COX14: variants seen among roughly 807,000 people sequenced by gnomAD.
COX14 encodes cytochrome c oxidase assembly factor COX14, also known as cytochrome c oxidase assembly protein COX14.
In COX14, 3 loss-of-function variants were observed where a neutral mutation model predicts 5.8. The observed-to-expected ratio is 0.51, with a 90% CI of 0.23 to 1.33. The LOEUF (loss-of-function observed/expected upper bound fraction) is 1.33, where lower values mean the gene tolerates loss of function less well. COX14 is among the 40% of genes most tolerant of loss of function. The pLI is 0.18. For synonymous variants in COX14, 25 were observed against 26.1 expected (o/e 0.96, Z 0.13); for missense variants, 72 against 72.1 (o/e 1.00, Z 0.01).
intron 1 of COX14, among the ~76,000 whole-genome samples, chr12:50,119,818 A>G (rs1951114055): frequency 6.6e-6 from 1 of 152,150 alleles, no homozygotes; most frequent in Admixed American, 6.5e-5. Context: ...TTGTTTCTGT[A>G]TCTTGTAGGC....
intron 1 of COX14, among the ~76,000 whole-genome samples, chr12:50,119,190 A>G (rs1169976845): frequency 6.6e-6 from 1 of 152,240 alleles, no homozygotes; most frequent in Non-Finnish European, 1.5e-5. Flanking sequence ...CAGTTATATT[A>G]TGGCTTAAAC....
chr12:50,113,063 A>G (rs967274606), intron 1 of COX14, among the ~76,000 whole-genome samples: 20 of 151,462 alleles, frequency 1.3e-4, no homozygotes, highest in African/African-American at 4.4e-4. Flanking sequence ...TAAATAGAGA[A>G]AAGGTCTCCC....
chr12:50,117,689 C>T (rs1157306889), intron 1 of COX14, among the ~76,000 whole-genome samples: 2 of 151,306 alleles, frequency 1.3e-5, no homozygotes, highest in African/African-American at 4.9e-5. Flanking sequence ...AAGCAATTCT[C>T]CTGTCTCAGC....
At position 50,120,368 on chromosome 12, in the gene COX14, A is replaced by G. The variant is rs1386525229; in HGVS notation, c.*151A>G. ...TGCCCATGGTTTCTCTGGTTCTGCC[A>G]GTTTGACAGTTTATGGAGGCTTTTG... On this transcript the variant is annotated 3_prime_UTR_variant, in exon 2 of 2. Coordinates refer to ENST00000550487, the MANE Select transcript of COX14 (RefSeq NM_032901.4). The G allele has an allele frequency of 7.8e-6, 5 of 645,144 alleles. No homozygotes were observed. The highest frequency in any genetic ancestry group is 1.1e-5 in the Non-Finnish European group (4 of 371,512). 40.0% of individuals were successfully genotyped at this position (645,144 alleles called of 1,614,324 possible).
In COX14 at chr12:50,120,165, G is replaced by A. The variant is rs141173025; in HGVS notation, c.122G>A (p.Arg41His). 52 of 1,614,034 alleles carry A rather than the reference G, an allele frequency of 3.2e-5. No individual in the cohort carries two copies. The highest frequency in any genetic ancestry group is 9.9e-5 in the South Asian group (9 of 91,096). Reference sequence around the variant, plus strand: ...CGAGTCTACCACTATTTCCAGTGGCGCAGGGCCCAGCGCCAGGCCGCAGAA... The same window carrying A: ...CGAGTCTACCACTATTTCCAGTGGCACAGGGCCCAGCGCCAGGCCGCAGAA... ...SVRVYHYFQW[R>H]RAQRQAAEEQ... The change falls in exon 2 of 2, where the codon CGC becomes CAC. Residue 41 changes from arginine (R) to histidine (H), a missense_variant. Physicochemically the swap from Arg to His is conservative, Grantham distance 29. Transcript: ENST00000550487.
chr12:50,117,744 AT>A (rs35207153), intron 1 of COX14, among the ~76,000 whole-genome samples: 73,737 of 113,326 alleles, frequency 0.65, 24,077 homozygotes, highest in East Asian at 0.88. Flanking sequence ...CGCTGGGCTA[AT>A]TTTTTTTTTT....
chr12:50,119,246 G>A (rs188152119), intron 1 of COX14, among the ~76,000 whole-genome samples: 20 of 152,264 alleles, frequency 1.3e-4, no homozygotes, highest in Admixed American at 3.3e-4. Context: ...GAATAAGATC[G>A]TTTTTATGGG....
intron 1 of COX14, among the ~76,000 whole-genome samples, chr12:50,116,354 A>T (rs1392843438): frequency 6.6e-6 from 1 of 152,168 alleles, no homozygotes. Flanking sequence ...CAGCCTCCCA[A>T]ACTGTTGGGA....
chr12:50,112,614 T>G, intron 1 of COX14: 1 of 333,672 alleles, frequency 3.0e-6, no homozygotes, highest in Non-Finnish European at 4.3e-6. Context: ...TGCGTCCTGA[T>G]AAGTGGCTCT....
Position 50,112,302 on chromosome 12 carries a change from G to C in COX14, c.-9+1G>C. On this transcript the variant is annotated splice_donor_variant, in intron 1 of 1. Transcript: ENST00000550487. LOFTEE classifies it low-confidence loss of function (5UTR_SPLICE). ...GATGCGAAGGAGCTGCAGCATCCAGGTACGCTGCCGGCTAGGGCCGAGCAG... is the reference window on the plus strand; with the variant it reads ...GATGCGAAGGAGCTGCAGCATCCAGCTACGCTGCCGGCTAGGGCCGAGCAG... The C allele has an allele frequency of 2.0e-6, 2 of 985,544 alleles. No individual in the cohort carries two copies. The highest frequency in any genetic ancestry group is 2.4e-6 in the Non-Finnish European group (2 of 829,982). 61.0% of individuals were successfully genotyped at this position (985,544 alleles called of 1,614,324 possible).
intron 1 of COX14, among the ~76,000 whole-genome samples, chr12:50,114,462 G>C (rs895903129): frequency 5.3e-5 from 8 of 152,014 alleles, no homozygotes; most frequent in Non-Finnish European, 7.4e-5. Flanking sequence ...GTGTTGGTCA[G>C]GCTGGTCTCG....
At chr12:50,113,135 A>G (rs1049184954) in intron 1 of COX14, among the ~76,000 whole-genome samples, 7 of 151,754 alleles carry the variant, frequency 4.6e-5, no homozygotes, top group African/African-American at 1.7e-4. Flanking sequence ...TCGGCCTCCC[A>G]AAGTGTTGGG....
At chr12:50,116,917 AT>A (rs529445776) in intron 1 of COX14, among the ~76,000 whole-genome samples, 10 of 152,344 alleles carry the variant, frequency 6.6e-5, no homozygotes, top group African/African-American at 1.9e-4. Flanking sequence ...CTCAAAGGCA[AT>A]GTTCAGCCCT....
chr12:50,117,105 G>C (rs566708844), intron 1 of COX14, among the ~76,000 whole-genome samples: 3 of 152,128 alleles, frequency 2.0e-5, no homozygotes, highest in Admixed American at 6.5e-5. Context: ...AACCTCCTGG[G>C]CTCAAGCAAT....
At chr12:50,113,755 C>T (rs1951052800) in intron 1 of COX14, among the ~76,000 whole-genome samples, 1 of 152,042 alleles carries the variant, frequency 6.6e-6, no homozygotes, top group Non-Finnish European at 1.5e-5. Context: ...GTCTCAGCCT[C>T]CTGAGTAGCT....
chr12:50,119,117 G>T (rs1951108012), intron 1 of COX14, among the ~76,000 whole-genome samples: 1 of 152,172 alleles, frequency 6.6e-6, no homozygotes, highest in Non-Finnish European at 1.5e-5. Context: ...TTAGAACGTA[G>T]AATTAATACT....
At chr12:50,116,925 C>T (rs1030098358) in intron 1 of COX14, among the ~76,000 whole-genome samples, 1 of 152,222 alleles carries the variant, frequency 6.6e-6, no homozygotes, top group Non-Finnish European at 1.5e-5. Context: ...CAATGTTCAG[C>T]CCTTAGGGTT....
chr12:50,117,532 C>T (rs887148430), intron 1 of COX14, among the ~76,000 whole-genome samples: 21 of 151,496 alleles, frequency 1.4e-4, no homozygotes, highest in Non-Finnish European at 3.1e-4. Context: ...TCCAAAGGTC[C>T]TTGAGACATT....
At chr12:50,118,826 T>C (rs1209259464) in intron 1 of COX14, among the ~76,000 whole-genome samples, 1 of 152,214 alleles carries the variant, frequency 6.6e-6, no homozygotes, top group Non-Finnish European at 1.5e-5. Flanking sequence ...GAGGTAGTCT[T>C]CCTGACTTTT....
Sources: allele counts gnomAD v4.1 joint callset (sites outside exome capture counted in the v4.1 genomes callset), GRCh38; gene constraint gnomAD v4.1.1; transcripts MANE v1.5; gene names NCBI Gene and HGNC (gene_info 2026-07-23, HGNC 2026-07-21).